Variants in CCL5 observed in about 807,000 individuals in gnomAD.
CCL5 encodes C-C motif chemokine 5.
In CCL5, 5 loss-of-function variants were observed where a neutral mutation model predicts 9.0. The ratio of observed to expected loss-of-function variants is 0.55; its 90% CI spans 0.29 to 1.16. CCL5 has a LOEUF of 1.16. Among genes scored for constraint, CCL5 ranks in the 50% most tolerant of loss-of-function variants. The pLI is 0.08. For synonymous variants in CCL5, 66 were observed against 72.0 expected (o/e 0.92, Z 0.42); for missense variants, 183 against 183.2 (o/e 1.00, Z 0.01).
chr17:35,874,324 G>T (rs1229132042), intron 3 of CCL5, among the ~76,000 whole-genome samples: 1 of 151,940 alleles, frequency 6.6e-6, no homozygotes, highest in Non-Finnish European at 1.5e-5. Context: ...TTGAGACAGG[G>T]TCTCACTGTC....
chr17:35,877,869 GGTGTGAAATATGGGGGACT>G (rs1442558211), intron 2 of CCL5, among the ~76,000 whole-genome samples: 1 of 152,006 alleles, frequency 6.6e-6, no homozygotes. Context: ...GATTTGATTG[GGTGTGAAATATGGGGGACT>G]GTGTGAAATA....
At chr17:35,876,343 T>G (rs1568349614) in intron 2 of CCL5, among the ~76,000 whole-genome samples, 1 of 152,202 alleles carries the variant, frequency 6.6e-6, no homozygotes, top group Non-Finnish European at 1.5e-5. Flanking sequence ...TACCAACCCT[T>G]CATTTCACCA....
chr17:35,874,958 G>A (rs2088423177), intron 3 of CCL5, among the ~76,000 whole-genome samples: 1 of 151,796 alleles, frequency 6.6e-6, no homozygotes, highest in Non-Finnish European at 1.5e-5. Flanking sequence ...TATGCCACAT[G>A]ATTACATAGC....
chr17:35,879,323 TG>T (rs1269544394), intron 1 of CCL5, among the ~76,000 whole-genome samples: 7 of 152,108 alleles, frequency 4.6e-5, no homozygotes, highest in African/African-American at 1.7e-4. Context: ...AAAGAAGGGT[TG>T]TGGGTATTAA....
chr17:35,874,083 C>T (rs1022767445), intron 3 of CCL5, among the ~76,000 whole-genome samples: 7 of 152,192 alleles, frequency 4.6e-5, no homozygotes, highest in East Asian at 1.9e-4. Flanking sequence ...TTGCTAGCAG[C>T]GCTGCCAATT....
chr17:35,875,511 C>G (rs1449316182), intron 3 of CCL5: 3 of 813,278 alleles, frequency 3.7e-6, no homozygotes, highest in Non-Finnish European at 4.5e-6. Flanking sequence ...CTCATACTTT[C>G]TAGAGTTTGT....
chr17:35,876,586 GTC>G (rs1187911154), intron 2 of CCL5, among the ~76,000 whole-genome samples: 3 of 152,138 alleles, frequency 2.0e-5, no homozygotes, highest in Non-Finnish European at 2.9e-5. Flanking sequence ...GAAACCTCCT[GTC>G]TCTCCTTTCC....
At chr17:35,876,615 C>A (rs545660240) in intron 2 of CCL5, among the ~76,000 whole-genome samples, 1 of 152,326 alleles carries the variant, frequency 6.6e-6, no homozygotes, top group East Asian at 1.9e-4. Flanking sequence ...CACTGTTCAG[C>A]CTCCAATACT....
intron 3 of CCL5, among the ~76,000 whole-genome samples, chr17:35,873,102 A>T (rs1157586808): frequency 6.6e-6 from 1 of 151,750 alleles, no homozygotes; most frequent in Admixed American, 6.6e-5. Flanking sequence ...GTTGGCCAGG[A>T]TGGTCTCAAA....
In CCL5 at chr17:35,872,871, G is replaced by A. The variant is rs377132140; in HGVS notation, c.271-407C>T. On this transcript the variant is annotated intron_variant, in intron 3 of 3. Coordinates refer to ENST00000651122, the MANE Select transcript of CCL5 (RefSeq NM_001278736.2). ...CAAGAACTGAGTCATGATTGAATAAGTGGGAGACAAGAAGTTCTTTTTTTT... is the reference window on the plus strand; with the variant it reads ...CAAGAACTGAGTCATGATTGAATAAATGGGAGACAAGAAGTTCTTTTTTTT... Among the ~76,000 whole-genome samples the A allele has an allele frequency of 2.0e-5, 3 of 152,208 alleles. No individual in the cohort carries two copies. The East Asian group carries it at 5.8e-4, about 29-fold the overall frequency.
intron 1 of CCL5, 145 bp downstream of exon 1, chr17:35,880,085 T>A: frequency 1.4e-6 from 1 of 700,406 alleles, no homozygotes; most frequent in Middle Eastern, 2.4e-4. Context: ...GTAAGACAAT[T>A]CATAAGAATG....
In CCL5 at chr17:35,872,406, C is replaced by T. The variant is rs2088381592; in HGVS notation, c.329G>A (p.Gly110Glu). 6.2e-7 allele frequency: 1 copy of T among 1,613,900 alleles called. No homozygotes were observed. The highest frequency in any genetic ancestry group is 1.3e-5 in the African/African-American group (1 of 74,954). ...CTCATCTCCAAAGAGTTGATGTACT[C>T]CCGAACCCATTTCTTCTCTGGGTTG... The change falls in exon 4 of 4, where the codon GGA becomes GAA. Residue 110 changes from glycine to glutamate, a missense_variant. Coordinates refer to ENST00000651122, the MANE Select transcript of CCL5 (RefSeq NM_001278736.2).
chr17:35,872,283 G>C lies in CCL5; in HGVS notation c.452C>G (p.Pro151Arg). Reference sequence around the variant, plus strand: ...AATCTGGGCCCTTCAAGGAGCGGGTGGGGTAGGATAGTGAGGGGAAGCCTC... The same window carrying C: ...AATCTGGGCCCTTCAAGGAGCGGGTCGGGTAGGATAGTGAGGGGAAGCCTC... The change falls in exon 4 of 4, where the codon CCA becomes CGA. Residue 151 changes from proline to arginine, a missense_variant. Physicochemically the swap from Pro to Arg is moderately radical, Grantham distance 103 (BLOSUM62 -2). Transcript: ENST00000651122. 1 of 1,575,880 alleles carries C rather than the reference G, an allele frequency of 6.3e-7. No homozygotes were observed. The highest frequency in any genetic ancestry group is 8.6e-7 in the Non-Finnish European group (1 of 1,156,438).
In CCL5 at chr17:35,872,322, A is replaced by T. The variant is rs776506453; in HGVS notation, c.413T>A (p.Leu138His). Residue 138 changes from leucine (L) to histidine (H), a missense_variant, in exon 4 of 4, where the codon CTT (leucine) becomes CAT (histidine). By Grantham distance (99) the Leu-to-His change is moderately conservative. Transcript: ENST00000651122. ...AGGGGAAGCCTCCCAAGCTAGGACA[A>T]GAGCAAGCAGAAACAGGCAAATTTG... 6.2e-7 allele frequency: 1 copy of T among 1,608,632 alleles called. No homozygotes were observed. Among genetic ancestry groups the T allele is most frequent in the Non-Finnish European group, 8.5e-7 (1 of 1,175,982 alleles).
chr17:35,879,547 A>G (rs950257618), intron 1 of CCL5, among the ~76,000 whole-genome samples: 1 of 150,578 alleles, frequency 6.6e-6, no homozygotes, highest in Non-Finnish European at 1.5e-5. Context: ...AGGCAGGAGA[A>G]TGGCATGAAC....
intron 2 of CCL5, among the ~76,000 whole-genome samples, chr17:35,876,338 AC>A (rs1452164407): frequency 7.2e-5 from 11 of 152,174 alleles, no homozygotes; most frequent in African/African-American, 2.7e-4. Context: ...TCAGCTACCA[AC>A]CCTTCATTTC....
intron 2 of CCL5, among the ~76,000 whole-genome samples, chr17:35,876,418 T>G (rs568054487): frequency 6.6e-6 from 1 of 152,300 alleles, no homozygotes; most frequent in East Asian, 1.9e-4. Flanking sequence ...TTTAAACAGC[T>G]CTTTCACAAG....
At chr17:35,872,609 G>C (rs1164045243) in intron 3 of CCL5, 145 bp from the exon 3 acceptor site, 1 of 681,718 alleles carries the variant, frequency 1.5e-6, no homozygotes, top group Non-Finnish European at 2.6e-6. Context: ...GATTTTATTT[G>C]TGGCTTTTAA....
intron 3 of CCL5, among the ~76,000 whole-genome samples, chr17:35,873,234 C>T (rs1225822486): frequency 7.1e-6 from 1 of 141,618 alleles, no homozygotes; most frequent in Non-Finnish European, 1.5e-5. Flanking sequence ...GTCACCCAGG[C>T]TGGAGTGCAG....
Sources: allele counts gnomAD v4.1 joint callset (sites outside exome capture counted in the v4.1 genomes callset), GRCh38; gene constraint gnomAD v4.1.1; transcripts MANE v1.5; gene names NCBI Gene and HGNC (gene_info 2026-07-23, HGNC 2026-07-21).